Variants in HNRNPLL observed in about 807,000 individuals in gnomAD.
HNRNPLL encodes heterogeneous nuclear ribonucleoprotein L like.
A neutral mutation model predicts 67.1 loss-of-function variants in HNRNPLL; 25 were observed. The ratio of observed to expected loss-of-function variants is 0.37; its 90% CI spans 0.27 to 0.52. The LOEUF (loss-of-function observed/expected upper bound fraction) is 0.52. HNRNPLL is among the 20% of genes least tolerant of loss of function. The pLI, the probability that HNRNPLL is intolerant of heterozygous loss-of-function variation, is 0.90. For missense variants in HNRNPLL, 542 were observed against 673.9 expected (o/e 0.80, Z 2.17); for synonymous variants, 267 against 241.7 (o/e 1.10, Z -0.97).
At chr2:38,572,362 C>A (rs1289474511) in intron 8 of HNRNPLL, among the ~76,000 whole-genome samples, 3 of 152,036 alleles carry the variant, frequency 2.0e-5, no homozygotes, top group Non-Finnish European at 4.4e-5. Context: ...AAGCCATGTT[C>A]CCCTCCCACG....
chr2:38,577,284 T>C (rs1306618750), intron 7 of HNRNPLL, among the ~76,000 whole-genome samples, 177 bp downstream of exon 7: 1 of 151,874 alleles, frequency 6.6e-6, no homozygotes, highest in Non-Finnish European at 1.5e-5. Context: ...TTTTAAATCA[T>C]TATCCTAAGA....
Position 38,602,504 on chromosome 2 carries a change from G to C in HNRNPLL, c.123C>G (p.Asn41Lys). 1 of 1,549,196 alleles carries C rather than the reference G, an allele frequency of 6.5e-7. No individual in the cohort carries two copies. The highest frequency in any genetic ancestry group is 8.7e-7 in the Non-Finnish European group (1 of 1,148,528). The part of the protein sequence containing the change: ...EIDYSAEEGE[N>K]RREATPRGGG... ...CGCCCCGGGGCGTCGCTTCCCGGCGGTTCTCGCCTTCCTCGGCCGAGTAGT... is the reference window on the plus strand; with the variant it reads ...CGCCCCGGGGCGTCGCTTCCCGGCGCTTCTCGCCTTCCTCGGCCGAGTAGT... Residue 41 changes from asparagine to lysine, a missense_variant, in exon 1 of 13, where the codon AAC becomes AAG. By Grantham distance (94) the Asn-to-Lys change is moderately conservative. This residue lies in a region of HNRNPLL where 127 missense variants were observed against 98.7 expected (regional missense o/e 1.29). Coordinates refer to ENST00000449105, the MANE Select transcript of HNRNPLL (RefSeq NM_138394.4).
At chr2:38,585,479 G>A (rs935512407) in intron 3 of HNRNPLL, among the ~76,000 whole-genome samples, 165 bp downstream of exon 3, 7 of 151,992 alleles carry the variant, frequency 4.6e-5, no homozygotes, top group Non-Finnish European at 8.8e-5. Context: ...TAACTACAGT[G>A]CTCAGCATTT....
intron 12 of HNRNPLL, among the ~76,000 whole-genome samples, chr2:38,567,025 C>A (rs1665888831): frequency 6.6e-6 from 1 of 151,884 alleles, no homozygotes; most frequent in Admixed American, 6.6e-5. Context: ...TTGAATGTGG[C>A]AATATAGAAA....
chr2:38,564,950 A>G (rs1421221301), intron 12 of HNRNPLL, among the ~76,000 whole-genome samples: 1 of 151,756 alleles, frequency 6.6e-6, no homozygotes, highest in Non-Finnish European at 1.5e-5. Context: ...GAAATCTAGT[A>G]TTAAATCTCT....
chr2:38,599,928 G>A lies in HNRNPLL; in HGVS notation c.189+2510C>T, dbSNP rs148919866. ...TTTACTTTAACAGTCTGACCACAAAGGTATTTCTTCTCTGGGCTGAAGGAC... is the reference window on the plus strand; with the variant it reads ...TTTACTTTAACAGTCTGACCACAAAAGTATTTCTTCTCTGGGCTGAAGGAC... On this transcript the variant is annotated intron_variant, in intron 1 of 12. Transcript: ENST00000449105. 822 of 470,616 alleles carry A rather than the reference G, an allele frequency of 1.7e-3. 12 individuals are homozygous for A. The highest frequency in any genetic ancestry group is 0.015 in the African/African-American group (744 of 50,108). 29.2% of individuals were successfully genotyped at this position (470,616 alleles called of 1,614,324 possible).
intron 2 of HNRNPLL, among the ~76,000 whole-genome samples, chr2:38,587,036 C>T (rs1666762697): frequency 6.6e-6 from 1 of 152,158 alleles, no homozygotes; most frequent in Non-Finnish European, 1.5e-5. Context: ...GAACAAGAAC[C>T]TTAAAAATGC....
chr2:38,569,115 T>C lies in HNRNPLL; in HGVS notation c.1416+18A>G, dbSNP rs757090547. On this transcript the variant is annotated intron_variant, in intron 10 of 12. Coordinates refer to ENST00000449105, the MANE Select transcript of HNRNPLL (RefSeq NM_138394.4). Reference sequence around the variant, plus strand: ...GGAAATAGCAACATTCTATACACATTTGTATTTCAGTGCCTACCTTTGTGA... The same window carrying C: ...GGAAATAGCAACATTCTATACACATCTGTATTTCAGTGCCTACCTTTGTGA... 7 of 1,520,174 alleles carry C rather than the reference T, an allele frequency of 4.6e-6. No homozygotes were observed. The highest frequency in any genetic ancestry group is 1.1e-5 in the South Asian group (1 of 89,206). 94.2% of individuals were successfully genotyped at this position (1,520,174 alleles called of 1,614,324 possible).
Position 38,602,780 on chromosome 2 carries a change from T to A in HNRNPLL, c.-154A>T. 6.5e-7 allele frequency: 1 copy of A among 1,529,746 alleles called. No homozygotes were observed. Among genetic ancestry groups the A allele is most frequent in the Non-Finnish European group, 8.8e-7 (1 of 1,138,084 alleles). The allele number at this position is 1,529,746 out of a possible 1,614,324, so 94.8% of individuals were successfully genotyped here. Reference sequence around the variant, plus strand: ...CGCGGGGACTGCGCGGCCAGGAGACTGGCGGCTGAGAAGCGCGGACGGACT... The same window carrying A: ...CGCGGGGACTGCGCGGCCAGGAGACAGGCGGCTGAGAAGCGCGGACGGACT... On this transcript the variant is annotated 5_prime_UTR_variant, in exon 1 of 13. Coordinates refer to ENST00000449105, the MANE Select transcript of HNRNPLL (RefSeq NM_138394.4).
chr2:38,602,393 G>T, intron 1 of HNRNPLL, 45 bp downstream of exon 1: 1 of 1,533,956 alleles, frequency 6.5e-7, no homozygotes, highest in Non-Finnish European at 8.7e-7. Flanking sequence ...CCTGCTTCCC[G>T]GGGAGCAGCC....
intron 1 of HNRNPLL, among the ~76,000 whole-genome samples, chr2:38,597,278 G>C (rs1278341346): frequency 6.6e-6 from 1 of 152,076 alleles, no homozygotes; most frequent in Non-Finnish European, 1.5e-5. Flanking sequence ...TACTCTTCAG[G>C]CGAAATATCC....
intron 1 of HNRNPLL, among the ~76,000 whole-genome samples, chr2:38,597,687 T>A (rs991254523): frequency 7.0e-6 from 1 of 143,430 alleles, no homozygotes; most frequent in Non-Finnish European, 1.5e-5. Context: ...AAGTAACTTT[T>A]TTTATTTTTT....
intron 8 of HNRNPLL, 35 bp downstream of exon 8, chr2:38,573,175 C>T (rs1666161850): frequency 2.1e-6 from 3 of 1,407,376 alleles, no homozygotes; most frequent in Non-Finnish European, 3.0e-6. Flanking sequence ...CACTGAATAT[C>T]CTAGCAAAAG....
At position 38,591,442 on chromosome 2, in the gene HNRNPLL, A is replaced by C. The variant is rs969769657; in HGVS notation, c.308+88T>G. On this transcript the variant is annotated intron_variant, in intron 2 of 12. Coordinates refer to ENST00000449105, the MANE Select transcript of HNRNPLL (RefSeq NM_138394.4). ...TTGTTTATATATACAAACAATATTT[A>C]CTATGCTAAACATCAAGGCTTGTAA... 3.1e-5 allele frequency: 24 copies of C among 772,658 alleles called. No homozygotes were observed. In the African/African-American group the frequency reaches 4.2e-4, roughly 13 times the overall value. The allele number at this position is 772,658 out of a possible 1,614,324, so 47.9% of individuals were successfully genotyped here.
Position 38,602,735 on chromosome 2 carries a change from G to C in HNRNPLL, c.-109C>G. The C allele has an allele frequency of 6.7e-7, 1 of 1,492,166 alleles. No individual in the cohort carries two copies. The highest frequency in any genetic ancestry group is 8.9e-7 in the Non-Finnish European group (1 of 1,120,420). 92.4% of individuals were successfully genotyped at this position (1,492,166 alleles called of 1,614,324 possible). ...CGCCGGCAGCGCCTCTTCTGCGAGG[G>C]TCTCCGCGGCCCGGCCGTCCGCGGG... is the stretch of plus-strand genomic sequence containing the variant. On this transcript the variant is annotated 5_prime_UTR_variant, in exon 1 of 13. Transcript: ENST00000449105.
At chr2:38,582,346 TG>T (rs1666561870) in intron 4 of HNRNPLL, among the ~76,000 whole-genome samples, 178 bp from the exon 5 acceptor site, 1 of 152,144 alleles carries the variant, frequency 6.6e-6, no homozygotes, top group Non-Finnish European at 1.5e-5. Flanking sequence ...GACGGAGTCT[TG>T]CTCTATCACC....
chr2:38,598,577 G>A (rs780350652), intron 1 of HNRNPLL, among the ~76,000 whole-genome samples: 13 of 152,188 alleles, frequency 8.5e-5, no homozygotes, highest in Non-Finnish European at 1.9e-4. Context: ...CAGATTTTTA[G>A]ATATGTAACA....
Position 38,568,311 on chromosome 2 carries a change from A to G in HNRNPLL, c.1475-14T>C, listed in dbSNP as rs1665949179. On this transcript the variant is annotated splice_polypyrimidine_tract_variant and intron_variant, in intron 11 of 12. Transcript: ENST00000449105. ...TTTTGGCTGAAGCTAAAACAAAAAAACACAAACTCAGTTATTATTACTTGC... is the reference window on the plus strand; with the variant it reads ...TTTTGGCTGAAGCTAAAACAAAAAAGCACAAACTCAGTTATTATTACTTGC... 6.2e-7 allele frequency: 1 copy of G among 1,610,752 alleles called. No homozygotes were observed. Among genetic ancestry groups the G allele is most frequent in the Non-Finnish European group, 8.5e-7 (1 of 1,177,266 alleles).
At chr2:38,582,018 T>G (rs200983535) in intron 5 of HNRNPLL, 33 bp from the exon 6 acceptor site, 1 of 1,599,608 alleles carries the variant, frequency 6.3e-7, no homozygotes, top group Non-Finnish European at 8.6e-7. Flanking sequence ...AAGTTCAAAC[T>G]GCATATCCAA....
Sources: gnomAD v4.1 joint callset for allele counts (sites outside exome capture counted in the v4.1 genomes callset) on GRCh38, gnomAD v4.1.1 for gene constraint, gnomAD v4.1.1 regional missense constraint, MANE v1.5 for transcripts, NCBI Gene and HGNC (gene_info 2026-07-23, HGNC 2026-07-21) for gene names.